MYRIP: variants seen among roughly 807,000 people sequenced by gnomAD.
The protein encoded by MYRIP is myosin VIIA and Rab interacting protein, also known as rab effector MyRIP.
MYRIP carries 49 observed loss-of-function variants against 98.0 expected under a neutral mutation model. The observed-to-expected ratio is 0.50, with a 90% CI of 0.40 to 0.63. The LOEUF (loss-of-function observed/expected upper bound fraction) is 0.63, where lower values mean the gene tolerates loss of function less well. Among genes scored for constraint, MYRIP ranks in the 30% least tolerant of loss-of-function variants. The pLI is 0.00. For synonymous variants in MYRIP, 404 were observed against 409.5 expected, an observed-to-expected ratio of 0.99 and a Z score of 0.16; for missense variants, 1,004 against 1,058.2, an observed-to-expected ratio of 0.95 and a Z score of 0.71.
intron 1 of MYRIP, among the ~76,000 whole-genome samples, chr3:39,875,542 C>T (rs1160137604): frequency 4.6e-5 from 7 of 151,818 alleles, no homozygotes; most frequent in African/African-American, 1.7e-4. Context: ...TATGTTGTGT[C>T]TTTGTTCTCG....
chr3:39,914,371 A>G lies in MYRIP; in HGVS notation c.110+13445A>G, dbSNP rs561067726. Among the ~76,000 whole-genome samples the G allele has an allele frequency of 2.0e-4, 31 of 152,232 alleles. No individual in the cohort carries two copies. The South Asian group carries it at 5.2e-3, about 25-fold the overall frequency. ...AAAACAAAGATCTTCTGATCAATCC[A>G]TTAAAAAAGATACCTTATTATACAA... is the stretch of plus-strand genomic sequence containing the variant. On this transcript the variant is annotated intron_variant, in intron 2 of 16. Coordinates refer to ENST00000302541, the MANE Select transcript of MYRIP (RefSeq NM_015460.4).
At chr3:40,015,777 C>T (rs929724186) in intron 2 of MYRIP, among the ~76,000 whole-genome samples, 3 of 152,218 alleles carry the variant, frequency 2.0e-5, no homozygotes, top group Non-Finnish European at 2.9e-5. Flanking sequence ...CTTTTAAAGA[C>T]ATTATTATGA....
intron 2 of MYRIP, among the ~76,000 whole-genome samples, chr3:39,995,821 G>A (rs1946336346): frequency 6.6e-6 from 1 of 152,204 alleles, no homozygotes; most frequent in Non-Finnish European, 1.5e-5. Flanking sequence ...AAGCCCATCA[G>A]ACTAACAGCT....
chr3:40,018,344 G>C (rs1005128324), intron 2 of MYRIP, among the ~76,000 whole-genome samples: 3 of 152,044 alleles, frequency 2.0e-5, no homozygotes, highest in African/African-American at 7.2e-5. Context: ...TCGAGTGCTT[G>C]TCTCTCTCTC....
intron 1 of MYRIP, among the ~76,000 whole-genome samples, chr3:39,900,504 A>G (rs1383364348): frequency 6.6e-6 from 1 of 152,072 alleles, no homozygotes; most frequent in East Asian, 1.9e-4. Context: ...GCAGAAATCC[A>G]TACTAAGTCT....
chr3:39,976,556 A>G (rs948273802), intron 2 of MYRIP, among the ~76,000 whole-genome samples: 29 of 152,332 alleles, frequency 1.9e-4, no homozygotes, highest in African/African-American at 6.7e-4. Context: ...TATATACCCA[A>G]AGGATTATAA....
intron 2 of MYRIP, among the ~76,000 whole-genome samples, chr3:40,041,022 GA>G: frequency 0.012 from 512 of 41,204 alleles, 7 homozygotes; most frequent in Admixed American, 0.044. Context: ...ATTACCAGCA[GA>G]AAAAAAAAAA....
intron 1 of MYRIP, among the ~76,000 whole-genome samples, chr3:39,860,995 A>T (rs1016825593): frequency 5.9e-5 from 9 of 152,230 alleles, no homozygotes; most frequent in African/African-American, 1.9e-4. Context: ...GCCAACAAGC[A>T]TGCGTTCTGC....
intron 1 of MYRIP, among the ~76,000 whole-genome samples, chr3:39,885,692 G>A (rs1229856346): frequency 3.9e-5 from 6 of 152,026 alleles, no homozygotes; most frequent in South Asian, 2.1e-4. Context: ...GGCTTTGCTT[G>A]TTTCTTTTTA....
intron 1 of MYRIP, among the ~76,000 whole-genome samples, chr3:39,887,376 A>C (rs189222090): frequency 0.053 from 8,104 of 151,958 alleles, 240 homozygotes; most frequent in African/African-American, 0.071. Flanking sequence ...ACAAAAAACC[A>C]TTCAAAAAAT....
At chr3:40,108,464 G>A (rs1949097120) in intron 3 of MYRIP, among the ~76,000 whole-genome samples, 1 of 152,142 alleles carries the variant, frequency 6.6e-6, no homozygotes, top group South Asian at 2.1e-4. Context: ...GGAGGTCTGG[G>A]AGTGCTGACA....
At chr3:39,933,629 G>A (rs888600168) in intron 2 of MYRIP, among the ~76,000 whole-genome samples, 6 of 152,088 alleles carry the variant, frequency 3.9e-5, no homozygotes, top group Admixed American at 1.3e-4. Flanking sequence ...ATTTTAAAAC[G>A]ACATCTCATA....
Position 40,200,012 on chromosome 3 carries a change from A to G in MYRIP, c.1665+9549A>G, listed in dbSNP as rs1464097221. 2.6e-5 allele frequency among the ~76,000 whole-genome samples: 4 copies of G among 151,642 alleles called. 1 individual carries two copies. The highest frequency in any genetic ancestry group is 2.4e-5 in the African/African-American group (1 of 41,356). On this transcript the variant is annotated intron_variant, in intron 10 of 16. Coordinates refer to ENST00000302541, the MANE Select transcript of MYRIP (RefSeq NM_015460.4). ...AAAAATCTTAGTCACATGTCTGTCA[A>G]CTGATTCCCCTGGAGAAAAAGAATT...
rs115957619 is a variant in MYRIP, at chr3:40,215,625, T to A, written c.1905+5532T>A. The stretch of plus-strand genomic sequence containing the variant: ...AAAAAAATTTGTTGATGTCATGGTG[T>A]TAACATAAAATCAAGTATCGTTGTC... On this transcript the variant is annotated intron_variant, in intron 11 of 16. Coordinates refer to ENST00000302541, the MANE Select transcript of MYRIP (RefSeq NM_015460.4). Among the ~76,000 whole-genome samples the A allele has an allele frequency of 2.2e-3, 335 of 152,298 alleles. 3 individuals carry two copies. Among genetic ancestry groups the A allele is most frequent in the Middle Eastern group, 0.01 (3 of 294 alleles).
At chr3:39,881,454 A>G (rs758720379) in intron 1 of MYRIP, among the ~76,000 whole-genome samples, 3 of 152,180 alleles carry the variant, frequency 2.0e-5, no homozygotes, top group Non-Finnish European at 2.9e-5. Flanking sequence ...GCTTTCATTT[A>G]AACGTATCAG....
At chr3:40,201,927 G>C (rs1951574850) in intron 10 of MYRIP, among the ~76,000 whole-genome samples, 1 of 152,204 alleles carries the variant, frequency 6.6e-6, no homozygotes, top group Non-Finnish European at 1.5e-5. Flanking sequence ...TCCTCTGGGA[G>C]AGACAGATCA....
chr3:40,137,954 T>C (rs934542849), intron 3 of MYRIP, among the ~76,000 whole-genome samples: 1 of 152,216 alleles, frequency 6.6e-6, no homozygotes, highest in African/African-American at 2.4e-5. Flanking sequence ...GTCATACATC[T>C]ATGTCATAAA....
intron 2 of MYRIP, among the ~76,000 whole-genome samples, chr3:39,943,998 C>T (rs951679079): frequency 6.6e-6 from 1 of 152,074 alleles, no homozygotes; most frequent in Non-Finnish European, 1.5e-5. Context: ...ACTCTTCACA[C>T]TCTCATTCCA....
intron 11 of MYRIP, among the ~76,000 whole-genome samples, chr3:40,216,632 A>G (rs928241118): frequency 3.9e-5 from 6 of 152,198 alleles, no homozygotes; most frequent in Non-Finnish European, 5.9e-5. Context: ...CTCATTTAGT[A>G]AGTACTATTT....
Sources: allele counts gnomAD v4.1 joint callset (sites outside exome capture counted in the v4.1 genomes callset), GRCh38; gene constraint gnomAD v4.1.1; transcripts MANE v1.5; gene names NCBI Gene and HGNC (gene_info 2026-07-23, HGNC 2026-07-21).